Variants in ARHGEF18 observed in about 807,000 individuals in gnomAD.
ARHGEF18 encodes the protein rho guanine nucleotide exchange factor 18.
ARHGEF18 carries 93 observed loss-of-function variants against 155.7 expected under a neutral mutation model. That is an observed-to-expected ratio of 0.60 (90% CI 0.50 to 0.71). ARHGEF18 has a LOEUF of 0.71. ARHGEF18 is among the 30% of genes least tolerant of loss of function. The pLI is 0.00. For synonymous variants in ARHGEF18, 742 were observed against 753.1 expected (o/e 0.99, Z 0.24); for missense variants, 1,593 against 1,816.1 (o/e 0.88, Z 2.23).
chr19:7,391,866 G>A (rs112555658), intron 10 of ARHGEF18, among the ~76,000 whole-genome samples: 2,432 of 151,774 alleles, frequency 0.016, 25 homozygotes, highest in South Asian at 0.051. Context: ...ATTGTCGAAA[G>A]TGCCAAGCTG....
intron 18 of ARHGEF18, among the ~76,000 whole-genome samples, chr19:7,457,175 G>A (rs1307144981): frequency 6.6e-6 from 1 of 152,054 alleles, no homozygotes; most frequent in African/African-American, 2.4e-5. Context: ...TATCAGCAGG[G>A]TTGGTTTCTT....
intron 26 of ARHGEF18, 86 bp downstream of exon 26, chr19:7,467,770 C>T (rs1031267547): frequency 3.8e-6 from 5 of 1,328,854 alleles, no homozygotes; most frequent in Non-Finnish European, 4.9e-6. Context: ...TGACAGGGTT[C>T]GCGGGTGCAT....
At chr19:7,353,643 C>A (rs569069119) in intron 1 of ARHGEF18, among the ~76,000 whole-genome samples, 6 of 151,576 alleles carry the variant, frequency 4.0e-5, no homozygotes, top group Admixed American at 3.9e-4. Flanking sequence ...AATAGATATC[C>A]CTGTTGTATT....
At chr19:7,400,963 C>T (rs184650983) in intron 10 of ARHGEF18, among the ~76,000 whole-genome samples, 1 of 152,188 alleles carries the variant, frequency 6.6e-6, no homozygotes, top group Non-Finnish European at 1.5e-5. Context: ...ATCTTGCATA[C>T]AGGGACATCC....
rs1460502476 is a variant in ARHGEF18 at position 7,367,865 on chromosome 19, TA to T, written c.16-4946del. On this transcript the variant is annotated intron_variant, in intron 2 of 28. Coordinates refer to ENST00000668164, the MANE Select transcript of ARHGEF18 (RefSeq NM_001367823.1). ...TTTTATATATATATATACACATATA[TA>T]TTTTTATATATATATATTTTATATA... is the stretch of plus-strand genomic sequence containing the variant. 2.2e-4 allele frequency among the ~76,000 whole-genome samples: 24 copies of T among 111,228 alleles called. 1 individual carries two copies. Among genetic ancestry groups the T allele is most frequent in the Admixed American group, 1.2e-3 (12 of 10,062 alleles). The allele number at this position is 111,228 out of a possible 152,430, so 73.0% of individuals were successfully genotyped here.
At chr19:7,469,455 G>A (rs1327481165) in intron 27 of ARHGEF18, among the ~76,000 whole-genome samples, 2 of 152,218 alleles carry the variant, frequency 1.3e-5, no homozygotes, top group East Asian at 3.9e-4. Context: ...GACAGGGACA[G>A]GTGCAGGCGC....
At position 7,373,020 on chromosome 19, in the gene ARHGEF18, C is replaced by G. The variant is rs1247669140; in HGVS notation, c.224C>G (p.Ser75Ter). 3 of 1,234,294 alleles carry G rather than the reference C, an allele frequency of 2.4e-6. No homozygotes were observed. In the East Asian group the frequency reaches 9.5e-5, roughly 39 times the overall value. 76.5% of individuals were successfully genotyped at this position (1,234,294 alleles called of 1,614,324 possible). A position where few individuals can be genotyped will look rare whatever the true frequency, so the allele number is the denominator to read the frequency against. ...FSSLAGSQDL[S>*]RRRSWERSRS... ...AGCTTGGCAGGGTCCCAAGACCTGT[C>G]AAGGCGGCGCAGCTGGGAAAGGTCG... Residue 75 changes from serine to a stop codon, truncating the protein, a stop_gained, in exon 3 of 29, where the codon TCA becomes TGA. Coordinates refer to ENST00000668164, the MANE Select transcript of ARHGEF18 (RefSeq NM_001367823.1). LOFTEE classifies it high-confidence loss of function.
intron 17 of ARHGEF18, among the ~76,000 whole-genome samples, chr19:7,454,827 C>T (rs551790063): frequency 1.3e-5 from 2 of 152,266 alleles, no homozygotes; most frequent in African/African-American, 2.4e-5. Context: ...CAAACACGCT[C>T]AGCTGCCCAT....
rs74935559 is a variant in ARHGEF18 at position 7,411,153 on chromosome 19, C to G, written c.967+27950C>G. ...AGCGCAGGGCCTCTCCACCTGAGAC[C>G]TGGCCTTAGGCACTTTCTTTTGTCA... is the stretch of plus-strand genomic sequence containing the variant. On this transcript the variant is annotated intron_variant, in intron 10 of 28. Transcript: ENST00000668164. Among the ~76,000 whole-genome samples, 1,306 of 152,222 alleles carry G rather than the reference C, an allele frequency of 8.6e-3. 103 individuals are homozygous for G. The East Asian group carries it at 0.2, about 23-fold the overall frequency.
intron 10 of ARHGEF18, among the ~76,000 whole-genome samples, chr19:7,430,471 G>A (rs1266189267): frequency 2.0e-5 from 3 of 151,936 alleles, no homozygotes; most frequent in South Asian, 4.1e-4. Flanking sequence ...GCAAAGTGCT[G>A]GAATTACAGG....
rs2145862601 is a variant in ARHGEF18 at position 7,457,490 on chromosome 19, G to A, written c.2182-1022G>A. 1.3e-5 allele frequency among the ~76,000 whole-genome samples: 2 copies of A among 150,052 alleles called. 1 individual carries two copies. Among genetic ancestry groups the A allele is most frequent in the Middle Eastern group, 7.1e-3 (2 of 280 alleles). On this transcript the variant is annotated intron_variant, in intron 18 of 28. Coordinates refer to ENST00000668164, the MANE Select transcript of ARHGEF18 (RefSeq NM_001367823.1). ...TGATTCTCCTGCCTCAGCCTCCTGA[G>A]TAGCTGGGATTACAGGCACCTGCCG...
intron 13 of ARHGEF18, 72 bp downstream of exon 13, chr19:7,442,124 CCCTTCCTTCCTT>C (rs200202576): frequency 0.035 from 40,067 of 1,128,744 alleles, 1,073 homozygotes; most frequent in South Asian, 0.081. Flanking sequence ...CTTCCTCCCT[CCCTTCCTTCCTT>C]CCTTCCTTCC....
In ARHGEF18 at chr19:7,402,351, G is replaced by A. The variant is rs538495238; in HGVS notation, c.967+19148G>A. On this transcript the variant is annotated intron_variant, in intron 10 of 28. Coordinates refer to ENST00000668164, the MANE Select transcript of ARHGEF18 (RefSeq NM_001367823.1). ...TGAGAATTGCCTGAACCCCAGAGAC[G>A]GAGGTTGCAGTGAGCCGAGATCCTG... Among the ~76,000 whole-genome samples the A allele has an allele frequency of 1.2e-4, 19 of 152,292 alleles. No individual in the cohort carries two copies. The South Asian group carries it at 3.3e-3, about 27-fold the overall frequency.
intron 16 of ARHGEF18, among the ~76,000 whole-genome samples, chr19:7,451,861 A>G (rs1975500392): frequency 6.6e-6 from 1 of 151,996 alleles, no homozygotes; most frequent in South Asian, 2.1e-4. Flanking sequence ...AGCTAGGACT[A>G]CAGGCGCCCA....
chr19:7,358,150 C>T (rs1337671003), intron 1 of ARHGEF18, among the ~76,000 whole-genome samples: 1 of 80,036 alleles, frequency 1.2e-5, no homozygotes, highest in Admixed American at 1.7e-4. Flanking sequence ...ACTCTTCAAC[C>T]ATCCATCCTT....
rs1343397461 is a variant in ARHGEF18 at position 7,383,098 on chromosome 19, G to A, written c.862G>A (p.Asp288Asn). Reference protein sequence around the residue: ...SPAHLKDKGQDARERRECVNG... With the variant: ...SPAHLKDKGQNARERRECVNG... ...AGCACATCTGAAGGACAAGGGCCAGGATGCACGAGAGAGGCGGGAGTGTGT... is the reference window on the plus strand; with the variant it reads ...AGCACATCTGAAGGACAAGGGCCAGAATGCACGAGAGAGGCGGGAGTGTGT... Residue 288 changes from aspartate to asparagine, a missense_variant, in exon 10 of 29, where the codon GAT becomes AAT. By Grantham distance (23) the Asp-to-Asn change is conservative. Coordinates refer to ENST00000668164, the MANE Select transcript of ARHGEF18 (RefSeq NM_001367823.1). The A allele has an allele frequency of 2.4e-6, 3 of 1,232,292 alleles. No homozygotes were observed. The highest frequency in any genetic ancestry group is 2.0e-6 in the Non-Finnish European group (2 of 988,122). The allele number at this position is 1,232,292 out of a possible 1,614,324, so 76.3% of individuals were successfully genotyped here.
intron 2 of ARHGEF18, among the ~76,000 whole-genome samples, chr19:7,364,572 G>T (rs1969805237): frequency 6.6e-6 from 1 of 152,126 alleles, no homozygotes; most frequent in Non-Finnish European, 1.5e-5. Context: ...CTGTGGGGTA[G>T]GCCAGCCCCC....
chr19:7,380,294 T>A (rs113406333), intron 7 of ARHGEF18, among the ~76,000 whole-genome samples: 1 of 151,546 alleles, frequency 6.6e-6, no homozygotes, highest in East Asian at 1.9e-4. Flanking sequence ...CTGACTAACA[T>A]GGTGAAACCC....
intron 10 of ARHGEF18, among the ~76,000 whole-genome samples, chr19:7,429,751 G>A (rs561506855): frequency 2.6e-5 from 4 of 152,324 alleles, no homozygotes; most frequent in Admixed American, 2.6e-4. Flanking sequence ...ACACCCATAA[G>A]AGGAGGCTCT....
Sources: gnomAD v4.1 joint callset for allele counts (sites outside exome capture counted in the v4.1 genomes callset) on GRCh38, gnomAD v4.1.1 for gene constraint, MANE v1.5 for transcripts, NCBI Gene and HGNC (gene_info 2026-07-23, HGNC 2026-07-21) for gene names.